Variants in PDXDC1 observed in about 807,000 individuals in gnomAD.
PDXDC1 encodes the protein pyridoxal dependent decarboxylase domain containing 1, also known as pyridoxal-dependent decarboxylase domain-containing protein 1.
Under a neutral mutation model 100.1 loss-of-function variants are expected in PDXDC1, and 42 were observed. The ratio of observed to expected loss-of-function variants is 0.42; its 90% CI spans 0.33 to 0.54. The LOEUF (loss-of-function observed/expected upper bound fraction) is 0.54, where lower values mean the gene tolerates loss of function less well. PDXDC1 is among the 20% of genes least tolerant of loss of function. The pLI is 0.10. For synonymous variants in PDXDC1, 260 were observed against 371.7 expected (o/e 0.70, Z 3.46); for missense variants, 636 against 979.2 (o/e 0.65, Z 4.68).
intron 16 of PDXDC1, chr16:15,047,432 T>A: frequency 6.5e-7 from 1 of 1,526,880 alleles, no homozygotes; most frequent in Non-Finnish European, 9.1e-7. Context: ...GAGAGCAGCG[T>A]AGATCTCACC....
At chr16:15,012,270 G>GTT (rs35932960) in intron 8 of PDXDC1, among the ~76,000 whole-genome samples, 1 of 151,820 alleles carries the variant, frequency 6.6e-6, no homozygotes, top group Middle Eastern at 3.4e-3. Context: ...CACCTAGCTA[G>GTT]TTTTTTGTAT....
At chr16:15,035,921 G>A in intron 22 of PDXDC1, 95 bp from the exon 23 acceptor site, 1 of 1,305,566 alleles carries the variant, frequency 7.7e-7, no homozygotes, top group African/African-American at 1.5e-5. Flanking sequence ...CTGAAGCTGT[G>A]TTGTGAAATA....
At chr16:15,085,296 T>C (rs1394369013) in intron 16 of PDXDC1, among the ~76,000 whole-genome samples, 1 of 151,366 alleles carries the variant, frequency 6.6e-6, no homozygotes, top group Non-Finnish European at 1.5e-5. Context: ...GTCTACTTAT[T>C]AGAATAGGTG....
At chr16:15,035,408 C>T in intron 21 of PDXDC1, 41 bp from the exon 22 acceptor site, 2 of 1,235,738 alleles carry the variant, frequency 1.6e-6, no homozygotes, top group Non-Finnish European at 2.3e-6. Context: ...CAAGGGCAGC[C>T]TGTGCCTGTA....
intron 16 of PDXDC1, chr16:15,136,147 G>A (rs1381496124): frequency 3.1e-6 from 4 of 1,305,922 alleles, no homozygotes; most frequent in Non-Finnish European, 4.3e-6. Context: ...GGCGGGTGTG[G>A]GATGCCAGGG....
chr16:15,111,587 G>A lies in PDXDC1; in HGVS notation c.1400-27292G>A, dbSNP rs868823295. 6.8e-5 allele frequency among the ~76,000 whole-genome samples: 10 copies of A among 146,474 alleles called. 1 individual carries two copies. The highest frequency in any genetic ancestry group is 1.2e-4 in the African/African-American group (5 of 40,526). On this transcript the variant is annotated intron_variant, in intron 16 of 16. Transcript: ENST00000535621. The stretch of plus-strand genomic sequence containing the variant: ...ATCCTGGGCAACATGGTGAAACCCC[G>A]TCTCTACTAAAAATACAAAAATTAG...
At chr16:15,133,311 G>A (rs2048197539) in intron 16 of PDXDC1, 4 of 1,565,178 alleles carry the variant, frequency 2.6e-6, no homozygotes, top group African/African-American at 1.3e-5. Flanking sequence ...ATGACGTGCT[G>A]GGGATCGGCC....
chr16:15,144,487 C>T, the PDXDC1 span, among the ~76,000 whole-genome samples: 1 of 152,004 alleles, frequency 6.6e-6, no homozygotes, highest in East Asian at 1.9e-4. Context: ...CCTGGCCCCA[C>T]GAGGGGTGGG....
chr16:15,088,600 AAAG>A (rs1223340357), intron 16 of PDXDC1, among the ~76,000 whole-genome samples: 1 of 152,004 alleles, frequency 6.6e-6, no homozygotes, highest in Non-Finnish European at 1.5e-5. Flanking sequence ...TGTATCTGGG[AAAG>A]AAGGCAGGGG....
Position 15,018,977 on chromosome 16 carries a change from C to T in PDXDC1, c.1089+12C>T. 1 of 1,594,130 alleles carries T rather than the reference C, an allele frequency of 6.3e-7. No homozygotes were observed. Among genetic ancestry groups the T allele is most frequent in the East Asian group, 2.3e-5 (1 of 44,306 alleles). The stretch of plus-strand genomic sequence containing the variant: ...ATGCCTGTCAACTGGTGAGTAGAAG[C>T]CTGACATTTAAATGAAAGACTCCTT... On this transcript the variant is annotated intron_variant, in intron 12 of 22. Coordinates refer to ENST00000396410, the MANE Select transcript of PDXDC1 (RefSeq NM_015027.4).
intron 1 of PDXDC1, among the ~76,000 whole-genome samples, chr16:14,993,756 C>T (rs1397129909): frequency 6.6e-6 from 1 of 152,304 alleles, no homozygotes; most frequent in Non-Finnish European, 1.5e-5. Context: ...TAGAGTCCCG[C>T]CAACAGTGTA....
At chr16:15,057,315 C>T (rs1461688043) in intron 16 of PDXDC1, among the ~76,000 whole-genome samples, 4 of 152,218 alleles carry the variant, frequency 2.6e-5, no homozygotes, top group African/African-American at 7.2e-5. Context: ...TATTATTACA[C>T]CTACATTTCT....
chr16:15,073,138 G>A (rs1213413444), intron 16 of PDXDC1: 1 of 1,565,196 alleles, frequency 6.4e-7, no homozygotes, highest in Non-Finnish European at 8.7e-7. Flanking sequence ...AGTTTCATCT[G>A]CCATATTTTT....
At chr16:15,074,983 C>A (rs2045389776) in intron 16 of PDXDC1, 2 of 1,022,116 alleles carry the variant, frequency 2.0e-6, no homozygotes, top group Non-Finnish European at 2.8e-6. Context: ...GGGAAAGCGG[C>A]TCACATCTAT....
intron 16 of PDXDC1, chr16:15,130,359 C>T (rs764884096): frequency 1.9e-6 from 3 of 1,563,426 alleles, no homozygotes; most frequent in Non-Finnish European, 1.7e-6. Context: ...GAAGTACTGG[C>T]ACAGGGACGT....
At chr16:15,043,507 A>C (rs1407424809) in intron 16 of PDXDC1, among the ~76,000 whole-genome samples, 1 of 152,222 alleles carries the variant, frequency 6.6e-6, no homozygotes, top group African/African-American at 2.4e-5. Flanking sequence ...GCGCCACTGC[A>C]CTACAGCCTG....
intron 1 of PDXDC1, among the ~76,000 whole-genome samples, chr16:14,993,355 A>G (rs1252709429): frequency 7.3e-6 from 1 of 137,798 alleles, no homozygotes; most frequent in African/African-American, 2.8e-5. Context: ...ATGTATTCTC[A>G]TTGTTCATTT....
chr16:15,067,656 A>G (rs2045034594), intron 16 of PDXDC1, among the ~76,000 whole-genome samples: 1 of 151,494 alleles, frequency 6.6e-6, no homozygotes, highest in African/African-American at 2.4e-5. Flanking sequence ...TGCCATACTT[A>G]TTTCAAAGTG....
chr16:14,980,893 C>A (rs1188156208), intron 1 of PDXDC1, among the ~76,000 whole-genome samples: 1 of 152,412 alleles, frequency 6.6e-6, no homozygotes, highest in African/African-American at 2.4e-5. Context: ...AGCCACTGCA[C>A]CCGGCCTTGA....
Sources: gnomAD v4.1 joint callset for allele counts (sites outside exome capture counted in the v4.1 genomes callset) on GRCh38, gnomAD v4.1.1 for gene constraint, MANE v1.5 for transcripts, NCBI Gene and HGNC (gene_info 2026-07-23, HGNC 2026-07-21) for gene names.